Variants in SEC31A observed in about 807,000 individuals in gnomAD.
SEC31A encodes SEC31 homolog A, COPII component.
SEC31A carries 70 observed loss-of-function variants against 151.0 expected under a neutral mutation model. That is an observed-to-expected ratio of 0.46 (90% CI 0.38 to 0.57). The LOEUF is 0.57. Ranked by LOEUF, SEC31A falls within the 20% of genes least tolerant of loss-of-function variation. SEC31A has a pLI of 0.00. For synonymous variants in SEC31A, 475 were observed against 505.9 expected, an observed-to-expected ratio of 0.94 and a Z score of 0.82; for missense variants, 1,330 against 1,471.2, an observed-to-expected ratio of 0.90 and a Z score of 1.57.
intron 25 of SEC31A, chr4:82,821,352 G>T: frequency 2.7e-6 from 1 of 366,924 alleles, no homozygotes; most frequent in African/African-American, 2.1e-5. Flanking sequence ...TTTGAGACCA[G>T]CCTGGTCAAC....
In SEC31A at chr4:82,827,440, C is replaced by T. The variant is rs777485982; in HGVS notation, c.3220G>A (p.Gly1074Ser). ...HGVQQPLGQTGMPPSFSKPNI... is the reference protein window; with the variant it reads ...HGVQQPLGQTSMPPSFSKPNI... ...GGCTTTGAAAAAGATGGTGGCATGC[C>T]TGTTTGACCAAGAGGTTGCTGTACG... The change falls in exon 24 of 27, where the codon GGC becomes AGC. Residue 1074 changes from glycine to serine, a missense_variant. Transcript: ENST00000395310. The T allele has an allele frequency of 2.5e-6, 4 of 1,614,064 alleles. No individual in the cohort carries two copies. The South Asian group carries it at 3.3e-5, about 13-fold the overall frequency.
At chr4:82,889,546 C>CA (rs11463983) in intron 1 of SEC31A, among the ~76,000 whole-genome samples, 119,332 of 129,980 alleles carry the variant, frequency 0.92, 55,282 homozygotes, top group East Asian at 0.98. Flanking sequence ...GACCCTGTCT[C>CA]AAAAAAAAAA....
chr4:82,870,001 T>G lies in SEC31A; in HGVS notation c.882+324A>C, dbSNP rs973562843. Among the ~76,000 whole-genome samples, 6 of 152,212 alleles carry G rather than the reference T, an allele frequency of 3.9e-5. 1 individual carries two copies. The highest frequency in any genetic ancestry group is 8.8e-5 in the Non-Finnish European group (6 of 68,032). On this transcript the variant is annotated intron_variant, in intron 8 of 26. Transcript: ENST00000395310. The stretch of plus-strand genomic sequence containing the variant: ...AAAAGATGCAAACCTTGAACAATCC[T>G]ACATCGAAGATACTGATTCCCATAA...
At chr4:82,877,167 T>C (rs962166651) in intron 4 of SEC31A, among the ~76,000 whole-genome samples, 3 of 152,068 alleles carry the variant, frequency 2.0e-5, no homozygotes, top group Non-Finnish European at 4.4e-5. Flanking sequence ...AGGTCAAGAC[T>C]GCAGTGAGTC....
intron 15 of SEC31A, 79 bp from the exon 16 acceptor site, chr4:82,857,209 A>G: frequency 1.7e-6 from 2 of 1,170,462 alleles, no homozygotes; most frequent in East Asian, 5.1e-5. Context: ...ACATCTATCA[A>G]TTTTTATATA....
intron 2 of SEC31A, chr4:82,899,986 G>A (rs1279614657): frequency 6.6e-6 from 1 of 152,234 alleles, no homozygotes; most frequent in African/African-American, 2.4e-5. Flanking sequence ...TCTCCTGAAA[G>A]CTATTCATAA....
intron 1 of SEC31A, among the ~76,000 whole-genome samples, chr4:82,882,355 T>C (rs1739558816): frequency 7.3e-6 from 1 of 136,128 alleles, no homozygotes; most frequent in African/African-American, 2.9e-5. Context: ...TGAGTTGAGA[T>C]TGCACCACTG....
chr4:82,899,192 A>G (rs1720196357), intron 3 of SEC31A, among the ~76,000 whole-genome samples: 1 of 152,172 alleles, frequency 6.6e-6, no homozygotes, highest in South Asian at 2.1e-4. Context: ...GTGTTTGCTG[A>G]GCGGGGTGGG....
At chr4:82,869,810 C>T (rs3797037) in intron 8 of SEC31A, among the ~76,000 whole-genome samples, 1 of 151,834 alleles carries the variant, frequency 6.6e-6, no homozygotes, top group Non-Finnish European at 1.5e-5. Context: ...ATTAGCATTC[C>T]ATCAAACTAC....
At chr4:82,869,654 T>A (rs759188191) in intron 8 of SEC31A, among the ~76,000 whole-genome samples, 1 of 152,118 alleles carries the variant, frequency 6.6e-6, no homozygotes, top group Non-Finnish European at 1.5e-5. Context: ...GTAAAATTTA[T>A]TAATTTTTTT....
intron 22 of SEC31A, 141 bp downstream of exon 22, chr4:82,841,999 C>A: frequency 3.1e-6 from 2 of 644,504 alleles, no homozygotes; most frequent in Admixed American, 3.5e-5. Context: ...AAACAAAAAA[C>A]ACAAAAAACA....
At chr4:82,849,627 A>AC (rs1731042504) in intron 19 of SEC31A, among the ~76,000 whole-genome samples, 2 of 151,472 alleles carry the variant, frequency 1.3e-5, no homozygotes, top group African/African-American at 2.4e-5. Context: ...AAAAAAAAAA[A>AC]AAAACTATAA....
chr4:82,890,864 T>A, intron 1 of SEC31A: 4 of 1,384,160 alleles, frequency 2.9e-6, no homozygotes, highest in Non-Finnish European at 3.7e-6. Flanking sequence ...TGCTCAGCAG[T>A]GGAGACGTCG....
Position 82,842,280 on chromosome 4 carries a change from AAAG to A in SEC31A, c.2825_2827del (p.Ser942del). 6.2e-7 allele frequency: 1 copy of A among 1,613,824 alleles called. No individual in the cohort carries two copies. On this transcript the variant is annotated inframe_deletion, in exon 22 of 27. Coordinates refer to ENST00000395310, the MANE Select transcript of SEC31A (RefSeq NM_001077207.4). The stretch of plus-strand genomic sequence containing the variant: ...TGCTCCAGAGGAAGGGGGAGGAGGG[AAAG>A]AAGTAGCAGGGCTGGAGGTAGGTGA...
intron 26 of SEC31A, among the ~76,000 whole-genome samples, chr4:82,819,848 G>C (rs1192162076): frequency 1.3e-5 from 2 of 151,388 alleles, no homozygotes; most frequent in African/African-American, 4.9e-5. Flanking sequence ...TGCAACCTCC[G>C]CCTCCCGGGT....
At chr4:82,890,723 TTCCTC>T in intron 1 of SEC31A, 1 of 1,092,056 alleles carries the variant, frequency 9.2e-7, no homozygotes, top group Non-Finnish European at 1.1e-6. Flanking sequence ...GAGATTTTTT[TTCCTC>T]TCCTCACCCT....
At chr4:82,847,968 A>T (rs1158792705) in intron 20 of SEC31A, among the ~76,000 whole-genome samples, 2 of 152,158 alleles carry the variant, frequency 1.3e-5, no homozygotes, top group African/African-American at 4.8e-5. Context: ...GTTTTTCAAG[A>T]TTTTATATTT....
intron 3 of SEC31A, among the ~76,000 whole-genome samples, chr4:82,879,816 A>G (rs1738868681): frequency 1.3e-5 from 2 of 152,220 alleles, no homozygotes; most frequent in Admixed American, 6.5e-5. Context: ...AGTACTTGAA[A>G]GTATGATCCA....
At chr4:82,867,035 A>G (rs1735568482) in intron 9 of SEC31A, 75 bp from the exon 10 acceptor site, 2 of 1,562,870 alleles carry the variant, frequency 1.3e-6, no homozygotes, top group East Asian at 2.2e-5. Flanking sequence ...ATCCAAAAAA[A>G]TTTTTGATCA....
Sources: gnomAD v4.1 joint callset for allele counts (sites outside exome capture counted in the v4.1 genomes callset) on GRCh38, gnomAD v4.1.1 for gene constraint, MANE v1.5 for transcripts, NCBI Gene and HGNC (gene_info 2026-07-23, HGNC 2026-07-21) for gene names.